The following CTNNA3 variants were observed in gnomAD, a reference collection of about 807,000 sequenced individuals.
CTNNA3 encodes the protein catenin alpha-3.
A neutral mutation model predicts 95.7 loss-of-function variants in CTNNA3; 76 were observed. The observed-to-expected ratio is 0.79, with a 90% CI of 0.66 to 0.96. CTNNA3 has a LOEUF of 0.96. Ranked by LOEUF, CTNNA3 falls within the 40% of genes least tolerant of loss-of-function variation. The pLI, the probability that CTNNA3 is intolerant of heterozygous loss-of-function variation, is 0.00. For synonymous variants in CTNNA3, 431 were observed against 374.4 expected, an observed-to-expected ratio of 1.15 and a Z score of -1.74; for missense variants, 1,191 against 1,089.8, an observed-to-expected ratio of 1.09 and a Z score of -1.31.
intron 7 of CTNNA3, among the ~76,000 whole-genome samples, chr10:67,134,432 C>T (rs1384689963): frequency 6.6e-6 from 1 of 152,108 alleles, no homozygotes; most frequent in Non-Finnish European, 1.5e-5. Flanking sequence ...TGCAGCATAT[C>T]ATGAATGAAT....
intron 11 of CTNNA3, among the ~76,000 whole-genome samples, chr10:66,472,503 T>A (rs1001674753): frequency 6.6e-6 from 1 of 151,924 alleles, no homozygotes; most frequent in Non-Finnish European, 1.5e-5. Flanking sequence ...ATTTTAGAGA[T>A]TTTTTATTGA....
chr10:67,745,908 A>T (rs959452379), intron 1 of CTNNA3, among the ~76,000 whole-genome samples: 2 of 152,184 alleles, frequency 1.3e-5, no homozygotes, highest in Admixed American at 1.3e-4. Flanking sequence ...TAAGACACTG[A>T]TGAAAGAAAT....
At chr10:67,528,345 G>A (rs1840212286) in intron 4 of CTNNA3, among the ~76,000 whole-genome samples, 1 of 151,852 alleles carries the variant, frequency 6.6e-6, no homozygotes, top group African/African-American at 2.4e-5. Context: ...TTCTTTCATG[G>A]TTTCCCCTTA....
intron 5 of CTNNA3, among the ~76,000 whole-genome samples, chr10:67,448,563 G>T (rs1226495412): frequency 6.6e-6 from 1 of 151,676 alleles, no homozygotes; most frequent in African/African-American, 2.4e-5. Context: ...ATGAATGAAT[G>T]AATAATAAAA....
chr10:66,331,842 G>A (rs1402279468), intron 12 of CTNNA3, among the ~76,000 whole-genome samples: 3 of 151,972 alleles, frequency 2.0e-5, no homozygotes, highest in African/African-American at 7.3e-5. Context: ...TGTGAAGAAA[G>A]TCATTGGTAG....
At chr10:66,474,645 T>C (rs1029165501) in intron 11 of CTNNA3, among the ~76,000 whole-genome samples, 11 of 152,056 alleles carry the variant, frequency 7.2e-5, no homozygotes, top group African/African-American at 2.7e-4. Context: ...ATGGCTGTAC[T>C]AATTTAGATT....
At chr10:67,483,821 A>T (rs1351289858) in intron 5 of CTNNA3, among the ~76,000 whole-genome samples, 1 of 151,872 alleles carries the variant, frequency 6.6e-6, no homozygotes, top group Non-Finnish European at 1.5e-5. Context: ...CAAAGAAATC[A>T]GAGACAACAC....
intron 7 of CTNNA3, among the ~76,000 whole-genome samples, chr10:67,043,061 A>G (rs1405758369): frequency 1.3e-5 from 2 of 152,148 alleles, no homozygotes; most frequent in Non-Finnish European, 1.5e-5. Flanking sequence ...AAGTCAGGAA[A>G]TACAGATATA....
At chr10:66,428,951 C>A (rs1017116018) in intron 11 of CTNNA3, among the ~76,000 whole-genome samples, 1 of 151,878 alleles carries the variant, frequency 6.6e-6, no homozygotes, top group South Asian at 2.1e-4. Context: ...TTCAAAAAAT[C>A]AATGAATTCA....
chr10:67,702,873 C>A (rs190559682), intron 1 of CTNNA3, among the ~76,000 whole-genome samples: 1 of 151,754 alleles, frequency 6.6e-6, no homozygotes, highest in South Asian at 2.1e-4. Context: ...ACTGATAGAC[C>A]GCTAGCAAGA....
rs568243861 is a variant in CTNNA3 at position 66,764,135 on chromosome 10, C to T, written c.1281+2129G>A. Among the ~76,000 whole-genome samples the T allele has an allele frequency of 9.4e-4, 143 of 152,244 alleles. 1 individual carries two copies. Among genetic ancestry groups the T allele is most frequent in the Non-Finnish European group, 1.4e-3 (98 of 68,016 alleles). ...AGAACTCAAATATCACCCCAAACCT[C>T]GTATAATCTCATTATAATGTGTTAA... On this transcript the variant is annotated intron_variant, in intron 9 of 17. Coordinates refer to ENST00000433211, the MANE Select transcript of CTNNA3 (RefSeq NM_013266.4).
chr10:67,050,731 A>C (rs1855039186), intron 7 of CTNNA3, among the ~76,000 whole-genome samples: 1 of 152,206 alleles, frequency 6.6e-6, no homozygotes, highest in Non-Finnish European at 1.5e-5. Flanking sequence ...AGCAGAAATG[A>C]CCACTCGCAT....
At chr10:66,602,238 T>C (rs1482706171) in intron 10 of CTNNA3, among the ~76,000 whole-genome samples, 1 of 151,930 alleles carries the variant, frequency 6.6e-6, no homozygotes, top group Non-Finnish European at 1.5e-5. Flanking sequence ...CTCCATTTGG[T>C]TAAACATCCT....
At position 66,110,301 on chromosome 10, in the gene CTNNA3, G is replaced by T. The variant is rs142566517; in HGVS notation, c.1885-7052C>A. Among the ~76,000 whole-genome samples the T allele has an allele frequency of 2.8e-4, 42 of 150,210 alleles. No individual in the cohort carries two copies. In the South Asian group the frequency reaches 7.6e-3, roughly 27 times the overall value. Reference sequence around the variant, plus strand: ...CATTTGAACCTGGGAGGTGGAGGTTGCAGTGAGCCAATATCATGCCACTGC... The same window carrying T: ...CATTTGAACCTGGGAGGTGGAGGTTTCAGTGAGCCAATATCATGCCACTGC... On this transcript the variant is annotated intron_variant, in intron 13 of 17. Transcript: ENST00000433211.
At chr10:67,033,515 A>G (rs1356885039) in intron 7 of CTNNA3, among the ~76,000 whole-genome samples, 1 of 152,238 alleles carries the variant, frequency 6.6e-6, no homozygotes, top group Non-Finnish European at 1.5e-5. Context: ...GATGTAAATA[A>G]AAGTTGAGTG....
intron 10 of CTNNA3, among the ~76,000 whole-genome samples, chr10:66,528,892 A>G (rs1323712128): frequency 6.6e-6 from 1 of 152,122 alleles, no homozygotes; most frequent in Non-Finnish European, 1.5e-5. Context: ...GTGTGCAGTG[A>G]AAGACAGAAA....
intron 5 of CTNNA3, among the ~76,000 whole-genome samples, chr10:67,245,173 A>C (rs1268168199): frequency 6.6e-6 from 1 of 152,044 alleles, no homozygotes; most frequent in East Asian, 1.9e-4. Flanking sequence ...GCACATCCCT[A>C]CATTAGGCCT....
chr10:67,722,968 A>G (rs1841188546), intron 1 of CTNNA3, among the ~76,000 whole-genome samples: 1 of 150,708 alleles, frequency 6.6e-6, no homozygotes, highest in Non-Finnish European at 1.5e-5. Context: ...GGAGAATAAC[A>G]ATTATATCTT....
At chr10:66,682,122 C>T (rs2132504339) in intron 9 of CTNNA3, among the ~76,000 whole-genome samples, 1 of 152,254 alleles carries the variant, frequency 6.6e-6, no homozygotes, top group East Asian at 1.9e-4. Context: ...AATATGTCAG[C>T]TTTTCAGCTT....
Sources: gnomAD v4.1 joint callset for allele counts (sites outside exome capture counted in the v4.1 genomes callset) on GRCh38, gnomAD v4.1.1 for gene constraint, MANE v1.5 for transcripts, NCBI Gene and HGNC (gene_info 2026-07-23, HGNC 2026-07-21) for gene names.